CHLSN: variants seen among roughly 807,000 people sequenced by gnomAD.
CHLSN encodes the protein cholesin.
the CHLSN span, among the ~76,000 whole-genome samples, chr7:981,337 C>T: frequency 0.034 from 5,138 of 151,870 alleles, 119 homozygotes; most frequent in African/African-American, 0.058. Context: ...AGAGGCCGGC[C>T]CGGCATTGGC....
the CHLSN span, among the ~76,000 whole-genome samples, chr7:1,070,985 G>T: frequency 0.019 from 2,689 of 145,094 alleles, 41 homozygotes; most frequent in Non-Finnish European, 0.029. Flanking sequence ...CATGCACACG[G>T]GCACACACAC....
chr7:1,028,631 G>C, the CHLSN span: 1 of 975,452 alleles, frequency 1.0e-6, no homozygotes, highest in Non-Finnish European at 1.2e-6. Context: ...CCAGCTGCAC[G>C]TACTTGCCTC....
the CHLSN span, among the ~76,000 whole-genome samples, chr7:998,594 A>G: frequency 6.6e-6 from 1 of 151,264 alleles, no homozygotes; most frequent in Non-Finnish European, 1.5e-5. Context: ...ATAGGCAAGC[A>G]TTACCACACC....
the CHLSN span, among the ~76,000 whole-genome samples, chr7:1,037,308 G>A: frequency 0.1 from 13,629 of 134,874 alleles, 1,485 homozygotes; most frequent in East Asian, 0.23. Flanking sequence ...ATGCGGAGCC[G>A]AAGCTGGACT....
chr7:1,002,221 G>A, the CHLSN span, among the ~76,000 whole-genome samples: 3 of 69,270 alleles, frequency 4.3e-5, no homozygotes, highest in Admixed American at 1.4e-4. Flanking sequence ...GTGGAGTCCT[G>A]CGGGTGAGTG....
At chr7:1,022,438 G>A in the CHLSN span, among the ~76,000 whole-genome samples, 10 of 152,352 alleles carry the variant, frequency 6.6e-5, no homozygotes, top group East Asian at 3.9e-4. Context: ...ATCCCACGGC[G>A]TTAACTCACA....
chr7:1,062,140 T>C, the CHLSN span, among the ~76,000 whole-genome samples: 1 of 152,342 alleles, frequency 6.6e-6, no homozygotes, highest in South Asian at 2.1e-4. Flanking sequence ...TTATTTTTGT[T>C]TATCCACAAA....
the CHLSN span, chr7:985,391 G>A: frequency 5.3e-6 from 8 of 1,504,768 alleles, no homozygotes; most frequent in Middle Eastern, 2.0e-4. Context: ...GCAGGAGGAC[G>A]GGGGCCCCAG....
chr7:1,085,517 T>C, the CHLSN span, among the ~76,000 whole-genome samples: 1 of 151,756 alleles, frequency 6.6e-6, no homozygotes, highest in East Asian at 1.9e-4. Context: ...TGAAGGAGGG[T>C]GACCTAAGAT....
At chr7:1,070,815 C>CCACACGTG in the CHLSN span, among the ~76,000 whole-genome samples, 3 of 71,968 alleles carry the variant, frequency 4.2e-5, no homozygotes, top group Middle Eastern at 0.016. Context: ...GCACACACAT[C>CCACACGTG]CACACGTGCA....
the CHLSN span, among the ~76,000 whole-genome samples, chr7:1,016,863 CACACAG>C: frequency 2.2e-5 from 3 of 138,260 alleles, no homozygotes; most frequent in African/African-American, 3.1e-5. Flanking sequence ...CAGCACACAG[CACACAG>C]CAGCGCACAG....
the CHLSN span, among the ~76,000 whole-genome samples, chr7:1,059,704 G>C: frequency 1.9e-5 from 1 of 53,530 alleles, no homozygotes; most frequent in African/African-American, 6.8e-5. Flanking sequence ...GGTCTGTAGT[G>C]AGGTGGGTCT....
the CHLSN span, among the ~76,000 whole-genome samples, chr7:1,134,481 G>A: frequency 2.6e-5 from 4 of 152,112 alleles, no homozygotes; most frequent in Non-Finnish European, 4.4e-5. Context: ...GGCTGAGGCA[G>A]GAGAATCACT....
chr7:1,110,498 GCGCTCTTCC>G, the CHLSN span, among the ~76,000 whole-genome samples: 1 of 152,206 alleles, frequency 6.6e-6, no homozygotes, highest in East Asian at 1.9e-4. Flanking sequence ...GGCAGCCTGA[GCGCTCTTCC>G]CGCGCCTCCC....
the CHLSN span, among the ~76,000 whole-genome samples, chr7:1,069,961 T>G: frequency 1.0e-5 from 1 of 97,046 alleles, no homozygotes; most frequent in East Asian, 2.8e-4. Context: ...TCTGCCCGGC[T>G]GCCCATCGTC....
the CHLSN span, among the ~76,000 whole-genome samples, chr7:1,084,089 G>T: frequency 6.6e-6 from 1 of 152,246 alleles, no homozygotes; most frequent in Non-Finnish European, 1.5e-5. Flanking sequence ...GATATGGCAC[G>T]GAATGCAGAA....
At chr7:1,097,895 G>A in the CHLSN span, among the ~76,000 whole-genome samples, 1 of 152,156 alleles carries the variant, frequency 6.6e-6, no homozygotes, top group Admixed American at 6.5e-5. The surrounding 1 kb of genome is among the most constrained non-coding windows in gnomAD (Gnocchi z 4.3). Flanking sequence ...GAACCAGGAT[G>A]CATCAAAAAT....
chr7:1,016,483 G>A, the CHLSN span, among the ~76,000 whole-genome samples: 4 of 128,342 alleles, frequency 3.1e-5, no homozygotes, highest in South Asian at 5.2e-4. Flanking sequence ...CAGCACAGCA[G>A]CACACAGCAG....
the CHLSN span, among the ~76,000 whole-genome samples, chr7:1,101,743 G>A: frequency 6.6e-6 from 1 of 152,190 alleles, no homozygotes; most frequent in Non-Finnish European, 1.5e-5. Context: ...TGGTATCCAC[G>A]CAGCCCGCAG....
Sources: allele counts gnomAD v4.1 joint callset (sites outside exome capture counted in the v4.1 genomes callset), GRCh38; gene constraint gnomAD v4.1.1; non-coding constraint Gnocchi (gnomAD v3.1); transcripts MANE v1.5; gene names NCBI Gene and HGNC (gene_info 2026-07-23, HGNC 2026-07-21).